PHKB: variants seen among roughly 807,000 people sequenced by gnomAD.
The protein encoded by PHKB is phosphorylase b kinase regulatory subunit beta.
In PHKB, 122 loss-of-function variants were observed where a neutral mutation model predicts 152.1. That is an observed-to-expected ratio of 0.80 (90% confidence interval 0.69 to 0.93). PHKB has a LOEUF of 0.93. PHKB is among the 40% of genes least tolerant of loss of function. The pLI is 0.00. For missense variants in PHKB, 1,304 were observed against 1,328.4 expected (o/e 0.98, Z 0.29); for synonymous variants, 436 against 464.9 (o/e 0.94, Z 0.80).
chr16:47,537,132 A>G (rs1321612851), intron 6 of PHKB, among the ~76,000 whole-genome samples: 3 of 152,246 alleles, frequency 2.0e-5, no homozygotes, highest in Admixed American at 6.5e-5. Flanking sequence ...TAAAGAAGCA[A>G]TGTGAAAAAT....
intron 14 of PHKB, among the ~76,000 whole-genome samples, chr16:47,627,101 C>T (rs527698575): frequency 2.0e-5 from 3 of 152,296 alleles, no homozygotes; most frequent in Admixed American, 2.0e-4. Flanking sequence ...ACCAAAAAAC[C>T]TGAGAGTTAA....
chr16:47,499,917 C>T (rs371848879), intron 3 of PHKB, 23 bp downstream of exon 3: 99 of 1,613,632 alleles, frequency 6.1e-5, no homozygotes, highest in Non-Finnish European at 7.9e-5. Flanking sequence ...GTGTTCTCCT[C>T]GTAACTTTGA....
intron 4 of PHKB, among the ~76,000 whole-genome samples, chr16:47,504,983 T>C (rs1251912739): frequency 3.9e-5 from 6 of 152,202 alleles, no homozygotes. Flanking sequence ...TGGAAGTCCC[T>C]AGCAGTCCTG....
At chr16:47,538,348 G>A (rs892026848) in intron 6 of PHKB, among the ~76,000 whole-genome samples, 8 of 152,350 alleles carry the variant, frequency 5.3e-5, no homozygotes, top group Non-Finnish European at 1.0e-4. Flanking sequence ...TATAGGCAAG[G>A]TAGCCCGAGT....
intron 20 of PHKB, among the ~76,000 whole-genome samples, 168 bp downstream of exon 20, chr16:47,651,089 C>G (rs1038225179): frequency 3.3e-5 from 5 of 152,178 alleles, no homozygotes; most frequent in African/African-American, 1.2e-4. Context: ...CCCACCAAGT[C>G]AGATGCTTGA....
At chr16:47,558,647 C>A (rs1971424035) in intron 7 of PHKB, among the ~76,000 whole-genome samples, 1 of 152,172 alleles carries the variant, frequency 6.6e-6, no homozygotes, top group Non-Finnish European at 1.5e-5. Context: ...CTCTTGGGTT[C>A]AAGCAAGTCT....
At chr16:47,648,655 C>A in intron 17 of PHKB, 39 bp downstream of exon 17, 2 of 1,282,330 alleles carry the variant, frequency 1.6e-6, no homozygotes, top group Non-Finnish European at 2.3e-6. Context: ...TTTTTGGATT[C>A]TAATACCGCA....
At chr16:47,581,649 A>C (rs1444406159) in intron 8 of PHKB, among the ~76,000 whole-genome samples, 1 of 152,312 alleles carries the variant, frequency 6.6e-6, no homozygotes, top group East Asian at 1.9e-4. Flanking sequence ...TTAAACTTTT[A>C]ATAAATGCCA....
chr16:47,676,835 T>G (rs897984710), intron 26 of PHKB, among the ~76,000 whole-genome samples: 1 of 152,244 alleles, frequency 6.6e-6, no homozygotes, highest in Non-Finnish European at 1.5e-5. Context: ...CCCATTACTG[T>G]AAAGACCTCC....
chr16:47,643,668 T>A lies in PHKB; in HGVS notation c.1608+1976T>A, dbSNP rs1265965359. Among the ~76,000 whole-genome samples the A allele has an allele frequency of 7.2e-5, 11 of 152,308 alleles. No individual in the cohort carries two copies. In the East Asian group the frequency reaches 2.1e-3, roughly 29 times the overall value. On this transcript the variant is annotated intron_variant, in intron 16 of 30. Coordinates refer to ENST00000323584, the MANE Select transcript of PHKB (RefSeq NM_000293.3). ...TGCCTAGTATTCTGCTCCTTATAAG[T>A]CTGCCTTTTAAAAGTAAAGGTGTTC...
At chr16:47,583,925 C>T (rs529605017) in intron 8 of PHKB, among the ~76,000 whole-genome samples, 1 of 152,176 alleles carries the variant, frequency 6.6e-6, no homozygotes, top group African/African-American at 2.4e-5. Flanking sequence ...CTGGCTTCAG[C>T]ATATGAGATA....
chr16:47,598,984 T>G, intron 13 of PHKB: 1 of 1,116,410 alleles, frequency 9.0e-7, no homozygotes, highest in Non-Finnish European at 1.3e-6. Flanking sequence ...GCCAGTGGTC[T>G]TCTTCAGCAC....
chr16:47,605,610 T>C (rs1434886525), intron 13 of PHKB, among the ~76,000 whole-genome samples: 1 of 152,206 alleles, frequency 6.6e-6, no homozygotes, highest in East Asian at 1.9e-4. Flanking sequence ...ATCTAGAATA[T>C]CAGTGTACTA....
In PHKB at chr16:47,647,967, T is replaced by G. The variant is rs577756160; in HGVS notation, c.1609-566T>G. Among the ~76,000 whole-genome samples, 7 of 152,306 alleles carry G rather than the reference T, an allele frequency of 4.6e-5. No homozygotes were observed. The South Asian group carries it at 8.3e-4, about 18-fold the overall frequency. On this transcript the variant is annotated intron_variant, in intron 16 of 30. Transcript: ENST00000323584. ...TCTTTAACCCTATCTTGGTGCCCCT[T>G]AGGGATCATACAATGAACTATATAT...
At chr16:47,514,428 G>A (rs1003913377) in intron 5 of PHKB, among the ~76,000 whole-genome samples, 3 of 152,172 alleles carry the variant, frequency 2.0e-5, no homozygotes, top group African/African-American at 7.2e-5. Context: ...AGCCACTGAT[G>A]GAAGCCCTGG....
At chr16:47,586,159 C>T (rs965646408) in intron 8 of PHKB, among the ~76,000 whole-genome samples, 6 of 152,216 alleles carry the variant, frequency 3.9e-5, no homozygotes, top group African/African-American at 1.4e-4. Context: ...CCCCCTTAAA[C>T]CACTAACTTT....
intron 12 of PHKB, among the ~76,000 whole-genome samples, chr16:47,595,079 T>G (rs1196289177): frequency 2.6e-5 from 4 of 152,248 alleles, no homozygotes; most frequent in Non-Finnish European, 5.9e-5. Context: ...GTCTTTATGC[T>G]ACAAATAATC....
intron 7 of PHKB, chr16:47,566,317 T>C: frequency 8.3e-7 from 1 of 1,203,894 alleles, no homozygotes; most frequent in East Asian, 2.3e-5. Context: ...GTATCTGTTT[T>C]GTCATAATCC....
chr16:47,676,560 T>G (rs1376990051), intron 26 of PHKB, among the ~76,000 whole-genome samples: 1 of 152,224 alleles, frequency 6.6e-6, no homozygotes, highest in African/African-American at 2.4e-5. Context: ...CTACTCTCTC[T>G]TAGTGTTTTT....
Sources: gnomAD v4.1 joint callset for allele counts (sites outside exome capture counted in the v4.1 genomes callset) on GRCh38, gnomAD v4.1.1 for gene constraint, MANE v1.5 for transcripts, NCBI Gene and HGNC (gene_info 2026-07-23, HGNC 2026-07-21) for gene names.